Variants in HSPG2 observed in about 807,000 individuals in gnomAD.
The protein encoded by HSPG2 is basement membrane-specific heparan sulfate proteoglycan core protein.
A neutral mutation model predicts 526.6 loss-of-function variants in HSPG2; 278 were observed. The ratio of observed to expected loss-of-function variants is 0.53; its 90% CI spans 0.48 to 0.58. The LOEUF is 0.58. Ranked by LOEUF, HSPG2 falls within the 20% of genes least tolerant of loss-of-function variation. The pLI is 0.00. For synonymous variants in HSPG2, 2,465 were observed against 2,555.4 expected (o/e 0.96, Z 1.07); for missense variants, 5,354 against 6,099.5 (o/e 0.88, Z 4.07).
At chr1:21,931,402 G>A (rs983922238) in intron 1 of HSPG2, among the ~76,000 whole-genome samples, 5 of 152,340 alleles carry the variant, frequency 3.3e-5, no homozygotes, top group East Asian at 1.9e-4. Flanking sequence ...AGGCCCAGGC[G>A]GAAGCAACAT....
At chr1:21,857,955 T>G (rs776943272) in intron 42 of HSPG2, among the ~76,000 whole-genome samples, 5 of 152,182 alleles carry the variant, frequency 3.3e-5, no homozygotes, top group African/African-American at 7.2e-5. Flanking sequence ...CCCCGGGGCT[T>G]CTTCTGCTCT....
At chr1:21,838,766 G>A in intron 74 of HSPG2, 59 bp downstream of exon 74, 1 of 1,579,970 alleles carries the variant, frequency 6.3e-7, no homozygotes, top group Non-Finnish European at 8.6e-7. Context: ...GCCTAGCTGG[G>A]TCATCAAAGG....
At position 21,832,477 on chromosome 1, in the gene HSPG2, G is replaced by A. The variant is rs938207724; in HGVS notation, c.11207+18C>T. On this transcript the variant is annotated intron_variant, in intron 81 of 96. Coordinates refer to ENST00000374695, the MANE Select transcript of HSPG2 (RefSeq NM_005529.7). ...CTGTGTCCAGTCCCCCTGTAGGTGGGGAGGCTGGGGGTCTCACCGGAACTC... is the reference window on the plus strand; with the variant it reads ...CTGTGTCCAGTCCCCCTGTAGGTGGAGAGGCTGGGGGTCTCACCGGAACTC... 3.8e-6 allele frequency: 6 copies of A among 1,599,030 alleles called. No homozygotes were observed. The highest frequency in any genetic ancestry group is 4.3e-6 in the Non-Finnish European group (5 of 1,166,246).
intron 6 of HSPG2, chr1:21,888,761 C>A (rs762792525): frequency 3.7e-6 from 5 of 1,337,062 alleles, no homozygotes; most frequent in Non-Finnish European, 4.0e-6. Context: ...ACCTGGGAGC[C>A]GGGAGCTGAG....
intron 33 of HSPG2, chr1:21,869,511 G>C: frequency 1.0e-6 from 1 of 987,980 alleles, no homozygotes; most frequent in Non-Finnish European, 1.2e-6. Flanking sequence ...AAGAGGAGGA[G>C]GAGGAGGAAG....
chr1:21,843,503 T>C, intron 65 of HSPG2, 65 bp from the exon 66 acceptor site: 1 of 1,539,516 alleles, frequency 6.5e-7, no homozygotes, highest in Admixed American at 1.8e-5. Flanking sequence ...AGGCCTCTGG[T>C]ACCCACACCC....
chr1:21,925,724 C>T (rs1644171139), intron 1 of HSPG2, among the ~76,000 whole-genome samples: 1 of 152,232 alleles, frequency 6.6e-6, no homozygotes, highest in African/African-American at 2.4e-5. Context: ...CTTCTCCACA[C>T]AGCCCTCCCA....
chr1:21,841,648 G>A lies in HSPG2; in HGVS notation c.9219C>T (p.Gly3073=). The part of the protein sequence containing the change: ...LEDNVHISPN[G]SIITIVGTRP... ...GGGTGCCCACGATGGTGATGATGGA[G>A]CCATTGGGACTGATGTGGACGTTGT... is the stretch of plus-strand genomic sequence containing the variant. Residue 3073 remains glycine, a synonymous_variant, in exon 70 of 97, where the codon GGC becomes GGT. Transcript: ENST00000374695. The A allele has an allele frequency of 1.9e-6, 3 of 1,614,180 alleles. No homozygotes were observed. In the South Asian group the frequency reaches 3.3e-5, roughly 18 times the overall value.
intron 65 of HSPG2, 150 bp downstream of exon 65, chr1:21,843,998 C>T (rs2152708392): frequency 3.8e-6 from 4 of 1,055,864 alleles, no homozygotes; most frequent in Non-Finnish European, 5.6e-6. Context: ...CTGCTGTGCC[C>T]AGCCCGCTCT....
At position 21,851,811 on chromosome 1, in the gene HSPG2, TG is replaced by T; in HGVS notation, c.6985del (p.Gln2329ArgfsTer5). 1 of 1,613,808 alleles carries T rather than the reference TG, an allele frequency of 6.2e-7. No individual in the cohort carries two copies. Among genetic ancestry groups the T allele is most frequent in the Non-Finnish European group, 8.5e-7 (1 of 1,180,002 alleles). On this transcript the variant is annotated frameshift_variant, in exon 54 of 97. Transcript: ENST00000374695. LOFTEE classifies it high-confidence loss of function. ...CTCACGGTAGGCTAAGTTGGCCCCCTGGGTCCCAGTTACTGTGACCGTGATG... is the reference window on the plus strand; with the variant it reads ...CTCACGGTAGGCTAAGTTGGCCCCCTGGTCCCAGTTACTGTGACCGTGATG... ...ASITVTVTGT[Q>X]GANLAYPAGS...
In HSPG2 at chr1:21,846,617, A is replaced by T. The variant is rs1638458719; in HGVS notation, c.8165-18T>A. On this transcript the variant is annotated intron_variant, in intron 62 of 96. Coordinates refer to ENST00000374695, the MANE Select transcript of HSPG2 (RefSeq NM_005529.7). ...GCCAGGGGCTGGGGGAACAGAGATC[A>T]GTGAGTCGGCACAGCCGTTGTCAGA... The T allele has an allele frequency of 6.2e-7, 1 of 1,613,364 alleles. No homozygotes were observed. The highest frequency in any genetic ancestry group is 2.2e-5 in the East Asian group (1 of 44,878).
At chr1:21,933,646 C>A (rs1317213896) in intron 1 of HSPG2, among the ~76,000 whole-genome samples, 1 of 152,246 alleles carries the variant, frequency 6.6e-6, no homozygotes, top group African/African-American at 2.4e-5. Context: ...CCAAGCCAGG[C>A]AGGGGCCACA....
intron 50 of HSPG2, chr1:21,853,754 A>C (rs1309882282): frequency 9.3e-6 from 1 of 108,074 alleles, no homozygotes; most frequent in Non-Finnish European, 2.0e-5. Context: ...CTCTCAAAAA[A>C]ATAAAATAAA....
rs568523787 is a variant in HSPG2, at chr1:21,887,593, A to T, written c.785T>A (p.Ile262Asn). 6.2e-7 allele frequency: 1 copy of T among 1,614,016 alleles called. No homozygotes were observed. The highest frequency in any genetic ancestry group is 1.7e-5 in the Admixed American group (1 of 60,022). The change falls in exon 8 of 97, where the codon ATC (isoleucine) becomes AAC (asparagine). Residue 262 changes from isoleucine to asparagine, a missense_variant. Ile to Asn is a moderately radical substitution (Grantham distance 149). Transcript: ENST00000374695. This position sits in a 1 kb window ranked among gnomAD's most constrained non-coding sequence, Gnocchi z 5.0. ...TSLPPRPETT[I>N]MRQPPVTHAP... ...GTGGGTGACTGGTGGCTGTCGCATG[A>T]TGGTTGTCTCTGGCCGGGGCGGTAA...
In HSPG2 at chr1:21,847,855, G is replaced by A. The variant is rs764990222; in HGVS notation, c.7874-15C>T. On this transcript the variant is annotated splice_polypyrimidine_tract_variant and intron_variant, in intron 60 of 96. Transcript: ENST00000374695. This position sits in a 1 kb window ranked among gnomAD's most constrained non-coding sequence, Gnocchi z 4.1. ...GACGCTGGGCACTGGGGACAGACGG[G>A]TGTGGACCACGCAGCCAGAGTGAGA... The A allele has an allele frequency of 1.2e-6, 2 of 1,613,936 alleles. No individual in the cohort carries two copies. Among genetic ancestry groups the A allele is most frequent in the African/African-American group, 1.3e-5 (1 of 75,050 alleles).
At chr1:21,932,679 G>A (rs981156625) in intron 1 of HSPG2, among the ~76,000 whole-genome samples, 9 of 152,096 alleles carry the variant, frequency 5.9e-5, no homozygotes, top group Admixed American at 5.2e-4. Context: ...AGAGGGAGAG[G>A]GTCATATGGA....
chr1:21,910,344 T>C (rs1301889396), intron 1 of HSPG2, among the ~76,000 whole-genome samples: 1 of 152,164 alleles, frequency 6.6e-6, no homozygotes, highest in Non-Finnish European at 1.5e-5. Flanking sequence ...TGCCAGGCCC[T>C]GAGGCCCTGT....
Position 21,875,898 on chromosome 1 carries a change from C to T in HSPG2, c.3148G>A (p.Gly1050Ser), listed in dbSNP as rs779672692. The T allele has an allele frequency of 5.2e-5, 84 of 1,613,982 alleles. No individual in the cohort carries two copies. The highest frequency in any genetic ancestry group is 8.3e-5 in the Admixed American group (5 of 60,010). The change falls in exon 24 of 97, where the codon GGC becomes AGC. Residue 1050 changes from glycine (G) to serine (S), a missense_variant. Gly to Ser is a moderately conservative substitution (Grantham distance 56). Transcript: ENST00000374695. ...EHHVAQEPSP[G>S]QPSTFIVPFR... ...GGCACAATGAAGGTGCTGGGCTGGC[C>T]GGGGCTGGGCTCCTGGGCCACATGG...
chr1:21,870,326 G>A, intron 33 of HSPG2: 1 of 985,024 alleles, frequency 1.0e-6, no homozygotes, highest in Non-Finnish European at 1.2e-6. Flanking sequence ...TGATGAAATG[G>A]AGGGAGCAGG....
Sources: allele counts gnomAD v4.1 joint callset (sites outside exome capture counted in the v4.1 genomes callset), GRCh38; gene constraint gnomAD v4.1.1; non-coding constraint Gnocchi (gnomAD v3.1); transcripts MANE v1.5; gene names NCBI Gene and HGNC (gene_info 2026-07-23, HGNC 2026-07-21).